Variants in TRIO observed in about 807,000 individuals in gnomAD.
TRIO encodes the protein triple functional domain protein.
TRIO carries 58 observed loss-of-function variants against 351.9 expected under a neutral mutation model. The observed-to-expected ratio is 0.16, with a 90% CI of 0.13 to 0.21. The LOEUF is 0.21. Among genes scored for constraint, TRIO ranks in the 10% least tolerant of loss-of-function variants. The probability of loss-of-function intolerance (pLI) is 1.00; values close to 1 mark genes in which losing one functional copy is unlikely to be tolerated. For missense variants in TRIO, 3,201 were observed against 4,027.8 expected, an observed-to-expected ratio of 0.79 and a Z score of 5.56; for synonymous variants, 1,758 against 1,595.7, an observed-to-expected ratio of 1.10 and a Z score of -2.42.
In TRIO at chr5:14,378,109, T is replaced by C. The variant is rs1470419756; in HGVS notation, c.3429T>C (p.Phe1143=). The C allele has an allele frequency of 6.2e-7, 1 of 1,611,716 alleles. No individual in the cohort carries two copies. The highest frequency in any genetic ancestry group is 8.5e-7 in the Non-Finnish European group (1 of 1,179,170). The change falls in exon 20 of 57, where the codon TTT becomes TTC. Residue 1143 remains phenylalanine (F), a synonymous_variant. Coordinates refer to ENST00000344204, the MANE Select transcript of TRIO (RefSeq NM_007118.4). ...RLDQCQQYVV[F]ERSAKQALEW... ...ACCAGTGTCAGCAGTACGTGGTCTTTGAGAGGAGTGCCAAGCAGGTCAGTG... is the reference window on the plus strand; with the variant it reads ...ACCAGTGTCAGCAGTACGTGGTCTTCGAGAGGAGTGCCAAGCAGGTCAGTG...
rs549690884 is a variant in TRIO, at chr5:14,402,721, G to T, written c.4716+1657G>T. Among the ~76,000 whole-genome samples, 7 of 152,166 alleles carry T rather than the reference G, an allele frequency of 4.6e-5. No homozygotes were observed. The East Asian group carries it at 1.4e-3, about 29-fold the overall frequency. ...GGGGGTATGGGTACAGATGGTGGCA[G>T]TGGTGTAGATGGTGGTGATGAGGGT... is the stretch of plus-strand genomic sequence containing the variant. On this transcript the variant is annotated intron_variant, in intron 31 of 56. Transcript: ENST00000344204.
intron 29 of TRIO, chr5:14,397,427 G>A (rs1747701103): frequency 5.9e-6 from 2 of 340,220 alleles, no homozygotes; most frequent in South Asian, 3.7e-5. Context: ...CAGGCCACCT[G>A]TTCTCCCTGT....
intron 2 of TRIO, among the ~76,000 whole-genome samples, chr5:14,273,758 A>G (rs1046024760): frequency 3.3e-5 from 5 of 152,266 alleles, no homozygotes; most frequent in African/African-American, 1.2e-4. Flanking sequence ...GGCATCTTAC[A>G]TATAATGTCA....
At chr5:14,396,044 TAAAAAAAA>T (rs557922366) in intron 28 of TRIO, among the ~76,000 whole-genome samples, 2 of 64,542 alleles carry the variant, frequency 3.1e-5, no homozygotes, top group African/African-American at 4.9e-5. Context: ...AGACTCCGCC[TAAAAAAAA>T]AAAAAAAAAA....
At chr5:14,432,355 G>T (rs991637019) in intron 34 of TRIO, among the ~76,000 whole-genome samples, 5 of 152,208 alleles carry the variant, frequency 3.3e-5, no homozygotes, top group African/African-American at 1.2e-4. Flanking sequence ...GAAACCTTTG[G>T]TGCAGGGAGG....
In TRIO at chr5:14,280,439, A is replaced by G. The variant is rs16903358; in HGVS notation, c.347+3A>G. 1.1e-3 allele frequency: 1,805 copies of G among 1,612,624 alleles called. 29 individuals carry two copies. In the African/African-American group the frequency reaches 0.022, roughly 20 times the overall value. ...TCCTATCTAGCCTGTATTCCCAGGT[A>G]AGTTCTGTGTGGCTTGTGCTTGTCA... On this transcript the variant is annotated splice_donor_region_variant and intron_variant, in intron 3 of 56. Coordinates refer to ENST00000344204, the MANE Select transcript of TRIO (RefSeq NM_007118.4).
intron 1 of TRIO, among the ~76,000 whole-genome samples, chr5:14,235,041 A>G (rs354285): frequency 0.82 from 124,919 of 152,126 alleles, 51,460 homozygotes; most frequent in East Asian, 0.98. Flanking sequence ...CTAAATATTA[A>G]CAGAAGCTTT....
At chr5:14,486,064 A>G (rs1755894662) in intron 47 of TRIO, among the ~76,000 whole-genome samples, 1 of 151,906 alleles carries the variant, frequency 6.6e-6, no homozygotes, top group African/African-American at 2.4e-5. Context: ...TGCAGAACAC[A>G]GCGGGCGTGG....
At chr5:14,248,337 C>A (rs1257831633) in intron 1 of TRIO, among the ~76,000 whole-genome samples, 1 of 152,206 alleles carries the variant, frequency 6.6e-6, no homozygotes, top group African/African-American at 2.4e-5. Flanking sequence ...GCATACCCTT[C>A]TGTTCAGACA....
rs1744636505 is a variant in TRIO, at chr5:14,366,800, G to C, written c.2755-60G>C. The C allele has an allele frequency of 2.5e-5, 40 of 1,608,606 alleles. No homozygotes were observed. In the South Asian group the frequency reaches 4.2e-4, roughly 17 times the overall value. Reference sequence around the variant, plus strand: ...CTTGCACGCTTGTATCTCACCCCTGGTGGTCCACAGGATTCTCTGGGAAGT... The same window carrying C: ...CTTGCACGCTTGTATCTCACCCCTGCTGGTCCACAGGATTCTCTGGGAAGT... On this transcript the variant is annotated intron_variant, in intron 15 of 56. Transcript: ENST00000344204.
intron 1 of TRIO, among the ~76,000 whole-genome samples, chr5:14,248,661 T>G (rs1205587614): frequency 6.6e-6 from 1 of 152,178 alleles, no homozygotes; most frequent in Non-Finnish European, 1.5e-5. Context: ...ACCTATCTTG[T>G]TCATCCTCCC....
intron 1 of TRIO, among the ~76,000 whole-genome samples, chr5:14,229,799 T>C (rs898358000): frequency 1.3e-5 from 2 of 152,200 alleles, no homozygotes; most frequent in East Asian, 1.9e-4. Flanking sequence ...AAAGGAAATA[T>C]CATTTATAAA....
chr5:14,435,359 A>G (rs942042252), intron 34 of TRIO, among the ~76,000 whole-genome samples: 7 of 152,130 alleles, frequency 4.6e-5, no homozygotes, highest in Admixed American at 6.5e-5. Context: ...GCTCCACCAC[A>G]ATGTGCAGGC....
At chr5:14,455,570 A>T (rs1477247829) in intron 34 of TRIO, among the ~76,000 whole-genome samples, 1 of 148,468 alleles carries the variant, frequency 6.7e-6, no homozygotes, top group East Asian at 2.0e-4. Flanking sequence ...GCCCCACTAG[A>T]TTAGCTAGAC....
rs759247777 is a variant in TRIO, at chr5:14,465,550, T to G, written c.5673T>G (p.Ser1891=). 1 of 1,614,000 alleles carries G rather than the reference T, an allele frequency of 6.2e-7. No homozygotes were observed. The highest frequency in any genetic ancestry group is 2.2e-5 in the East Asian group (1 of 44,874). ...LQPDSQDDKA[S]SRLLVRPTSS... is the part of the protein sequence containing the mutation. ...TTTCTTAATTTCTTCTGTAGGCCTC[T>G]TCTCGGTTATTAGTCCGCCCCACCA... is the stretch of plus-strand genomic sequence containing the variant. Residue 1891 remains serine, a synonymous_variant, in exon 37 of 57, where the codon TCT becomes TCG. Transcript: ENST00000344204.
At chr5:14,147,676 A>G (rs1787596959) in intron 1 of TRIO, among the ~76,000 whole-genome samples, 1 of 152,174 alleles carries the variant, frequency 6.6e-6, no homozygotes, top group Non-Finnish European at 1.5e-5. Context: ...TCTATTAGGG[A>G]GAAGCACACA....
intron 11 of TRIO, among the ~76,000 whole-genome samples, chr5:14,346,106 A>G (rs1366951346): frequency 6.6e-6 from 1 of 152,242 alleles, no homozygotes; most frequent in Non-Finnish European, 1.5e-5. Flanking sequence ...GCTCCAGATA[A>G]GCCAGGCTTG....
chr5:14,483,348 C>T (rs1430279714), intron 46 of TRIO, among the ~76,000 whole-genome samples: 1 of 152,176 alleles, frequency 6.6e-6, no homozygotes, highest in Non-Finnish European at 1.5e-5. Flanking sequence ...GAGGGCAGGC[C>T]TGAGGTCCCA....
At chr5:14,262,647 G>A (rs1795418795) in intron 1 of TRIO, among the ~76,000 whole-genome samples, 1 of 152,150 alleles carries the variant, frequency 6.6e-6, no homozygotes, top group Non-Finnish European at 1.5e-5. Flanking sequence ...AGACAGGGGT[G>A]CTTCATGGGA....
Sources: gnomAD v4.1 joint callset for allele counts (sites outside exome capture counted in the v4.1 genomes callset) on GRCh38, gnomAD v4.1.1 for gene constraint, MANE v1.5 for transcripts, NCBI Gene and HGNC (gene_info 2026-07-23, HGNC 2026-07-21) for gene names.